The following LIX1 variants were observed in gnomAD, a reference collection of about 807,000 sequenced individuals.
LIX1 encodes the protein limb and CNS expressed 1, also known as protein limb expression 1 homolog.
LIX1 carries 24 observed loss-of-function variants against 33.4 expected under a neutral mutation model. That is an observed-to-expected ratio of 0.72 (90% CI 0.52 to 1.01). The LOEUF is 1.01. LIX1 is among the 50% of genes least tolerant of loss of function. LIX1 has a pLI of 0.00. For synonymous variants in LIX1, 124 were observed against 124.0 expected (o/e 1.00, Z 0.00); for missense variants, 311 against 339.2 (o/e 0.92, Z 0.65).
At chr5:97,115,828 G>A (rs1367788642) in intron 2 of LIX1, among the ~76,000 whole-genome samples, 7 of 151,984 alleles carry the variant, frequency 4.6e-5, no homozygotes, top group African/African-American at 1.7e-4. Context: ...ATTCAAAGCT[G>A]AAGATGCCAT....
intron 2 of LIX1, among the ~76,000 whole-genome samples, chr5:97,112,445 A>G (rs1316061668): frequency 6.6e-6 from 1 of 152,246 alleles, no homozygotes; most frequent in Admixed American, 6.5e-5. Flanking sequence ...ACTTCCTGCT[A>G]GAGTTAGACT....
chr5:97,096,967 T>C, intron 4 of LIX1, 80 bp from the exon 5 acceptor site: 1 of 1,026,250 alleles, frequency 9.7e-7, no homozygotes. Flanking sequence ...TAACTCTAAT[T>C]CCCAAATATA....
At chr5:97,105,932 A>G (rs932092831) in intron 3 of LIX1, among the ~76,000 whole-genome samples, 1 of 152,212 alleles carries the variant, frequency 6.6e-6, no homozygotes, top group Non-Finnish European at 1.5e-5. Context: ...TCCGTATCCT[A>G]TGGACGCGGA....
intron 1 of LIX1, 70 bp downstream of exon 1, chr5:97,142,425 A>C (rs1748308760): frequency 8.6e-6 from 9 of 1,043,522 alleles, no homozygotes; most frequent in Non-Finnish European, 1.2e-5. Context: ...TCTTACTTAA[A>C]TAGGATGTGA....
At chr5:97,120,249 A>T (rs1473072039) in intron 2 of LIX1, among the ~76,000 whole-genome samples, 1 of 152,216 alleles carries the variant, frequency 6.6e-6, no homozygotes, top group African/African-American at 2.4e-5. Context: ...ACATACAAGA[A>T]TGGACAAACA....
chr5:97,105,816 C>T (rs894318970), intron 3 of LIX1, among the ~76,000 whole-genome samples: 7 of 151,982 alleles, frequency 4.6e-5, no homozygotes, highest in African/African-American at 7.3e-5. Flanking sequence ...CTCTAGGAAA[C>T]GAGGTGGGTG....
In LIX1 at chr5:97,135,873, A is replaced by G. The variant is rs144394922; in HGVS notation, c.82+6622T>C. 3.4e-3 allele frequency among the ~76,000 whole-genome samples: 524 copies of G among 152,318 alleles called. 12 individuals carry two copies. Among genetic ancestry groups the G allele is most frequent in the Admixed American group, 0.03 (454 of 15,296 alleles). On this transcript the variant is annotated intron_variant, in intron 1 of 5. Coordinates refer to ENST00000274382, the MANE Select transcript of LIX1 (RefSeq NM_153234.5). ...AAATAAAAGAGACTTTAGAGGACCA[A>G]TGATTTTAGACAACCAATAAAGGAT...
chr5:97,105,669 G>A (rs1260683991), intron 3 of LIX1, among the ~76,000 whole-genome samples: 1 of 152,208 alleles, frequency 6.6e-6, no homozygotes, highest in Non-Finnish European at 1.5e-5. Flanking sequence ...TAATTGACAT[G>A]GAAAGAATTT....
chr5:97,117,663 A>G (rs1450936950), intron 2 of LIX1, among the ~76,000 whole-genome samples: 1 of 152,230 alleles, frequency 6.6e-6, no homozygotes, highest in East Asian at 1.9e-4. Flanking sequence ...GCCTTAAGTA[A>G]CTAAAATAAA....
At chr5:97,104,308 G>A (rs1023089597) in intron 4 of LIX1, among the ~76,000 whole-genome samples, 4 of 152,118 alleles carry the variant, frequency 2.6e-5, no homozygotes, top group African/African-American at 9.7e-5. Context: ...TTATTATATT[G>A]CATTCTGATT....
intron 1 of LIX1, among the ~76,000 whole-genome samples, chr5:97,132,157 T>C (rs2112796086): frequency 6.6e-6 from 1 of 152,332 alleles, no homozygotes. Context: ...AATGTGGCAT[T>C]GGCATGTCTA....
intron 2 of LIX1, among the ~76,000 whole-genome samples, chr5:97,111,362 C>T (rs967156212): frequency 6.6e-6 from 1 of 151,868 alleles, no homozygotes; most frequent in East Asian, 1.9e-4. Flanking sequence ...TTCAATAAAC[C>T]GTCTATGGTA....
At chr5:97,130,558 C>G (rs2112794792) in intron 1 of LIX1, among the ~76,000 whole-genome samples, 1 of 152,276 alleles carries the variant, frequency 6.6e-6, no homozygotes, top group Non-Finnish European at 1.5e-5. Context: ...ATGAGCTGAG[C>G]AACACTTCTG....
intron 2 of LIX1, among the ~76,000 whole-genome samples, chr5:97,114,731 G>T (rs987160855): frequency 2.6e-5 from 4 of 152,138 alleles, no homozygotes; most frequent in Non-Finnish European, 4.4e-5. Flanking sequence ...CTCTGCCCCT[G>T]CCATGTCTCA....
At chr5:97,130,007 A>G (rs1036184435) in intron 1 of LIX1, among the ~76,000 whole-genome samples, 1 of 152,244 alleles carries the variant, frequency 6.6e-6, no homozygotes, top group African/African-American at 2.4e-5. Flanking sequence ...CCAACTTGGA[A>G]TTGTCATACG....
Position 97,107,163 on chromosome 5 carries a change from A to C in LIX1, c.387+197T>G, listed in dbSNP as rs570310506. The stretch of plus-strand genomic sequence containing the variant: ...GATTAATTGTGATCAGAGAGATTAA[A>C]AAATATTATTGAGATGTGTGATATT... On this transcript the variant is annotated intron_variant, in intron 3 of 5. Transcript: ENST00000274382. Among the ~76,000 whole-genome samples the C allele has an allele frequency of 6.2e-4, 95 of 152,368 alleles. 1 individual carries two copies. The South Asian group carries it at 0.018, about 30-fold the overall frequency.
chr5:97,096,861 CA>C lies in LIX1; in HGVS notation c.509del (p.Leu170CysfsTer7), dbSNP rs746587565. Reference sequence around the variant, plus strand: ...GGGCTTTTAGGCTTCCATTCCAGTGCAATAGTTGGAAAATGGTCATCAGCTC... The same window carrying C: ...GGGCTTTTAGGCTTCCATTCCAGTGCATAGTTGGAAAATGGTCATCAGCTC... Reference protein sequence around the residue: ...FQELMTIFQLLHWNGSLKALR... With the variant: ...FQELMTIFQLXHWNGSLKALR... On this transcript the variant is annotated frameshift_variant, in exon 5 of 6. Coordinates refer to ENST00000274382, the MANE Select transcript of LIX1 (RefSeq NM_153234.5). LOFTEE classifies it high-confidence loss of function. 1.7e-5 allele frequency: 28 copies of C among 1,613,902 alleles called. No individual in the cohort carries two copies. The highest frequency in any genetic ancestry group is 1.0e-4 in the Admixed American group (6 of 59,996).
chr5:97,131,277 C>T (rs1748051147), intron 1 of LIX1, among the ~76,000 whole-genome samples: 2 of 152,136 alleles, frequency 1.3e-5, no homozygotes, highest in Non-Finnish European at 2.9e-5. Flanking sequence ...TCAAGTTCTC[C>T]CTCCTATTTT....
intron 2 of LIX1, among the ~76,000 whole-genome samples, chr5:97,109,112 C>T (rs1747224873): frequency 6.6e-6 from 1 of 152,094 alleles, no homozygotes; most frequent in Admixed American, 6.5e-5. Flanking sequence ...GTTGGAGTGC[C>T]CTGAAGCCAG....
Sources: allele counts gnomAD v4.1 joint callset (sites outside exome capture counted in the v4.1 genomes callset), GRCh38; gene constraint gnomAD v4.1.1; transcripts MANE v1.5; gene names NCBI Gene and HGNC (gene_info 2026-07-23, HGNC 2026-07-21).